STK32A: variants seen among roughly 807,000 people sequenced by gnomAD.
STK32A encodes the protein serine/threonine-protein kinase 32A.
A neutral mutation model predicts 53.2 loss-of-function variants in STK32A; 41 were observed. That is an observed-to-expected ratio of 0.77 (90% CI 0.60 to 1.00). STK32A has a LOEUF of 1.00. Ranked by LOEUF, STK32A falls within the 50% of genes least tolerant of loss-of-function variation. The pLI is 0.00. For missense variants in STK32A, 458 were observed against 485.8 expected, an observed-to-expected ratio of 0.94 and a Z score of 0.54; for synonymous variants, 166 against 162.8, an observed-to-expected ratio of 1.02 and a Z score of -0.15.
intron 5 of STK32A, among the ~76,000 whole-genome samples, chr5:147,339,921 C>A (rs928097673): frequency 6.6e-6 from 1 of 152,156 alleles, no homozygotes; most frequent in Non-Finnish European, 1.5e-5. Flanking sequence ...AAGGGACTTG[C>A]CTTGTCTTAG....
In STK32A at chr5:147,235,034, G is replaced by GCAGCC. The variant is rs908962058; in HGVS notation, c.-245_-241dup. Reference sequence around the variant, plus strand: ...CCAGCCCAGCCCAGCTCAGTCCAGCGCAGCCCAGCCCAGCCCAGCCCGGCG... The same window carrying GCAGCC: ...CCAGCCCAGCCCAGCTCAGTCCAGCGCAGCCCAGCCCAGCCCAGCCCAGCCCGGCG... On this transcript the variant is annotated 5_prime_UTR_variant, in exon 1 of 13. Transcript: ENST00000397936. 7 of 153,710 alleles carry GCAGCC rather than the reference G, an allele frequency of 4.6e-5. No homozygotes were observed. Among genetic ancestry groups the GCAGCC allele is most frequent in the Middle Eastern group, 3.1e-3 (1 of 324 alleles). 9.5% of individuals were successfully genotyped at this position (153,710 alleles called of 1,614,324 possible).
At chr5:147,398,013 T>C in the STK32A span, among the ~76,000 whole-genome samples, 47 of 152,144 alleles carry the variant, frequency 3.1e-4, no homozygotes, top group Non-Finnish European at 5.9e-4. Flanking sequence ...CGGAGACAGA[T>C]TTACTAAGAC....
chr5:147,317,985 TA>T (rs1754090022), intron 4 of STK32A, among the ~76,000 whole-genome samples: 1 of 152,202 alleles, frequency 6.6e-6, no homozygotes, highest in Non-Finnish European at 1.5e-5. Context: ...TTTTTAAATA[TA>T]AACATATATA....
At chr5:147,342,555 T>G in intron 5 of STK32A, 1 of 158,590 alleles carries the variant, frequency 6.3e-6, no homozygotes, top group Non-Finnish European at 1.4e-5. Context: ...AACTACATTA[T>G]CAACCATATT....
At chr5:147,256,891 A>T (rs2151944727) in intron 2 of STK32A, among the ~76,000 whole-genome samples, 1 of 152,158 alleles carries the variant, frequency 6.6e-6, no homozygotes, top group South Asian at 2.1e-4. Flanking sequence ...CCGTTGTGAG[A>T]GGTTTTGGAA....
intron 6 of STK32A, among the ~76,000 whole-genome samples, chr5:147,346,496 A>T (rs752150217): frequency 7.2e-5 from 11 of 152,224 alleles, no homozygotes; most frequent in Non-Finnish European, 1.5e-4. Context: ...AAAGATTGAC[A>T]TTTAAAGGAG....
chr5:147,242,938 T>TA (rs1339213984), intron 2 of STK32A, among the ~76,000 whole-genome samples: 7 of 152,194 alleles, frequency 4.6e-5, no homozygotes, highest in Non-Finnish European at 1.0e-4. Context: ...CAAAAAGCAC[T>TA]GATTAACCAA....
At chr5:147,262,417 G>T (rs917781840) in intron 2 of STK32A, among the ~76,000 whole-genome samples, 2 of 151,494 alleles carry the variant, frequency 1.3e-5, no homozygotes, top group African/African-American at 4.8e-5. Flanking sequence ...TAAAGGGATT[G>T]GTACCTCTGG....
chr5:147,342,993 T>C lies in STK32A; in HGVS notation c.435-13T>C, dbSNP rs17106492. The C allele has an allele frequency of 9.2e-3, 14,791 of 1,613,090 alleles. 1,062 individuals carry two copies. The East Asian group carries it at 0.19, about 21-fold the overall frequency. ...ATTGTGAGCAACTTTCTTTTTTCTT[T>C]TTACTCCTCTAGGGATATGAAGCCT... is the stretch of plus-strand genomic sequence containing the variant. On this transcript the variant is annotated splice_polypyrimidine_tract_variant and intron_variant, in intron 5 of 12. Coordinates refer to ENST00000397936, the MANE Select transcript of STK32A (RefSeq NM_001112724.2).
At chr5:147,394,682 CA>C in the STK32A span, among the ~76,000 whole-genome samples, 32,002 of 144,390 alleles carry the variant, frequency 0.22, 3,568 homozygotes, top group East Asian at 0.37. Flanking sequence ...ACAACAACAA[CA>C]AAAAAAAAAA....
chr5:147,246,225 A>G (rs2151940263), intron 2 of STK32A, among the ~76,000 whole-genome samples: 1 of 152,346 alleles, frequency 6.6e-6, no homozygotes. Context: ...TTTGTCATAA[A>G]TAACCTCAAG....
intron 4 of STK32A, among the ~76,000 whole-genome samples, chr5:147,313,679 G>A (rs1753815020): frequency 6.6e-6 from 1 of 152,200 alleles, no homozygotes; most frequent in Admixed American, 6.5e-5. Flanking sequence ...AGTTTCGAAA[G>A]TTGTTATGAA....
chr5:147,253,055 T>C (rs919347026), intron 2 of STK32A, among the ~76,000 whole-genome samples: 2 of 152,180 alleles, frequency 1.3e-5, no homozygotes, highest in Admixed American at 6.5e-5. Context: ...AATTTGTTGA[T>C]TTTCTTGAAT....
intron 2 of STK32A, among the ~76,000 whole-genome samples, chr5:147,263,066 T>C (rs980937729): frequency 2.0e-5 from 3 of 152,132 alleles, no homozygotes; most frequent in African/African-American, 7.2e-5. Context: ...AGTGGGGAAG[T>C]TGAGTGCAGA....
chr5:147,314,507 CAAAAAAAAACAAA>C (rs1753875550), intron 4 of STK32A, among the ~76,000 whole-genome samples: 2 of 12,768 alleles, frequency 1.6e-4, no homozygotes, highest in Non-Finnish European at 3.1e-4. Context: ...TCAAAAAAAA[CAAAAAAAAACAAA>C]AAAAAACAAA....
At chr5:147,260,261 C>G in intron 2 of STK32A, among the ~76,000 whole-genome samples, 1 of 136,350 alleles carries the variant, frequency 7.3e-6, no homozygotes, top group Admixed American at 7.9e-5. Context: ...TCTCCTCTCT[C>G]TCCCTCTCCC....
In STK32A at chr5:147,274,962, C is replaced by T. The variant is rs76838000; in HGVS notation, c.53-3162C>T. On this transcript the variant is annotated intron_variant, in intron 2 of 12. Transcript: ENST00000397936. ...TTTATATACATTCTCTATTGCATAT[C>T]CATTGGTTTTCAAAAATAATCCTAT... Among the ~76,000 whole-genome samples, 1,350 of 152,162 alleles carry T rather than the reference C, an allele frequency of 8.9e-3. 11 individuals are homozygous for T. The highest frequency in any genetic ancestry group is 0.014 in the Non-Finnish European group (932 of 67,990).
intron 4 of STK32A, among the ~76,000 whole-genome samples, chr5:147,297,327 A>C (rs1414066360): frequency 6.6e-6 from 1 of 152,238 alleles, no homozygotes; most frequent in Non-Finnish European, 1.5e-5. Context: ...ACAGGAAATC[A>C]AAAGCTGTCT....
At chr5:147,396,352 G>T in the STK32A span, among the ~76,000 whole-genome samples, 1 of 152,216 alleles carries the variant, frequency 6.6e-6, no homozygotes, top group African/African-American at 2.4e-5. Context: ...CCTTGTGCCA[G>T]GCACTAGGGC....
Sources: allele counts gnomAD v4.1 joint callset (sites outside exome capture counted in the v4.1 genomes callset), GRCh38; gene constraint gnomAD v4.1.1; transcripts MANE v1.5; gene names NCBI Gene and HGNC (gene_info 2026-07-23, HGNC 2026-07-21).